The following NSUN5 variants were observed in gnomAD, a reference collection of about 807,000 sequenced individuals.
The protein encoded by NSUN5 is 28S rRNA (cytosine-C(5))-methyltransferase.
A neutral mutation model predicts 51.1 loss-of-function variants in NSUN5; 39 were observed. The ratio of observed to expected loss-of-function variants is 0.76; its 90% CI spans 0.59 to 1.00. The LOEUF is 1.00. Ranked by LOEUF, NSUN5 falls within the 50% of genes least tolerant of loss-of-function variation. The probability of loss-of-function intolerance (pLI) is 0.00; values close to 1 mark genes in which losing one functional copy is unlikely to be tolerated. For missense variants in NSUN5, 526 were observed against 614.0 expected (o/e 0.86, Z 1.51); for synonymous variants, 266 against 271.5 (o/e 0.98, Z 0.20).
At chr7:73,308,102 T>C (rs1804119720) in intron 2 of NSUN5, 2 of 453,896 alleles carry the variant, frequency 4.4e-6, no homozygotes, top group Non-Finnish European at 7.9e-6. Context: ...GGCCAGATCA[T>C]AGCTCACTGC....
At position 73,308,436 on chromosome 7, in the gene NSUN5, C is replaced by A. The variant is rs1586466047; in HGVS notation, c.211G>T (p.Ala71Ser). 6 of 1,600,920 alleles carry A rather than the reference C, an allele frequency of 3.7e-6. No individual in the cohort carries two copies. Among genetic ancestry groups the A allele is most frequent in the Non-Finnish European group, 4.3e-6 (5 of 1,172,032 alleles). The change falls in exon 2 of 10, where the codon GCC becomes TCC. Residue 71 changes from alanine to serine, a missense_variant. Transcript: ENST00000438747. ...RAEKKLRPHL[A>S]KVLVYELLLG... The stretch of plus-strand genomic sequence containing the variant: ...CGTCCCTCCCCTCCCCTCACCTTGG[C>A]CAGGTGCGGCCGCAGCTTCTTCTCC...
At position 73,308,756 on chromosome 7, in the gene NSUN5, G is replaced by C; in HGVS notation, c.35C>G (p.Ala12Gly). ...AGAGCCCTGGCGGCTCTCCACGCCGGCCAACACGCCTGCAGCTGCAGCATA... is the reference window on the plus strand; with the variant it reads ...AGAGCCCTGGCGGCTCTCCACGCCGCCCAACACGCCTGCAGCTGCAGCATA... ...GLYAAAAGVL[A>G]GVESRQGSIK... The change falls in exon 1 of 10, where the codon GCC becomes GGC. Residue 12 changes from alanine (A) to glycine (G), a missense_variant. Physicochemically the swap from Ala to Gly is moderately conservative, Grantham distance 60. Coordinates refer to ENST00000438747, the MANE Select transcript of NSUN5 (RefSeq NM_148956.4). 6.2e-7 allele frequency: 1 copy of C among 1,612,902 alleles called. No individual in the cohort carries two copies. The highest frequency in any genetic ancestry group is 8.5e-7 in the Non-Finnish European group (1 of 1,179,836).
chr7:73,304,027 C>T lies in NSUN5; in HGVS notation c.944G>A (p.Ser315Asn). 1 of 1,614,032 alleles carries T rather than the reference C, an allele frequency of 6.2e-7. No individual in the cohort carries two copies. The highest frequency in any genetic ancestry group is 8.5e-7 in the Non-Finnish European group (1 of 1,179,944). Residue 315 changes from serine to asparagine, a missense_variant, in exon 8 of 10, where the codon AGC becomes AAC. Coordinates refer to ENST00000438747, the MANE Select transcript of NSUN5 (RefSeq NM_148956.4). ...DPSCSGSGMP[S>N]RQLEEPGAGT... The stretch of plus-strand genomic sequence containing the variant: ...TGCCCCGGGCTCCTCCAGCTGTCTG[C>T]TCGGCATACCTAAGGAAAAGAGTGT...
Position 73,305,016 on chromosome 7 carries a change from C to T in NSUN5, c.582G>A (p.Gln194=). The T allele has an allele frequency of 6.2e-7, 1 of 1,611,660 alleles. No individual in the cohort carries two copies. ...ACAGTGGGTGTTCATGCAGATCTGT[C>T]TGGGCGGGAAACACCAGCAGCTCCG... ...LMPELLVFPA[Q]TDLHEHPLYR... Residue 194 remains glutamine, a synonymous_variant, in exon 5 of 10, where the codon CAG becomes CAA. Transcript: ENST00000438747.
Position 73,303,222 on chromosome 7 carries a change from T to A in NSUN5, c.*193A>T, listed in dbSNP as rs1168339723. ...TGACATTAAGAATAAAAAACTGTGA[T>A]CTATCGTAGAGTACGTTCTGCATTT... On this transcript the variant is annotated 3_prime_UTR_variant, in exon 10 of 10. Transcript: ENST00000438747. 26 of 1,524,002 alleles carry A rather than the reference T, an allele frequency of 1.7e-5. No homozygotes were observed. Among genetic ancestry groups the A allele is most frequent in the Non-Finnish European group, 2.3e-5 (26 of 1,137,208 alleles). The allele number at this position is 1,524,002 out of a possible 1,614,324, so 94.4% of individuals were successfully genotyped here.
chr7:73,308,091 T>C (rs1804119316), intron 2 of NSUN5: 3 of 451,990 alleles, frequency 6.6e-6, no homozygotes, highest in Non-Finnish European at 1.2e-5. Context: ...TGAAGTGCAG[T>C]GGCCAGATCA....
intron 1 of NSUN5, 31 bp from the exon 2 acceptor site, chr7:73,308,584 G>C (rs782109970): frequency 1.3e-6 from 2 of 1,590,324 alleles, no homozygotes; most frequent in Non-Finnish European, 8.6e-7. Flanking sequence ...AGCTGGGTGG[G>C]GGCTCCCCCG....
intron 8 of NSUN5, 39 bp downstream of exon 8, chr7:73,303,787 C>T (rs782359467): frequency 1.6e-5 from 26 of 1,613,622 alleles, no homozygotes; most frequent in Middle Eastern, 1.6e-4. Flanking sequence ...CAGCTCACCC[C>T]GTCCCCCACT....
rs772476128 is a variant in NSUN5, at chr7:73,308,353, G to A, written c.216+78C>T. 2.0e-6 allele frequency: 3 copies of A among 1,501,336 alleles called. No homozygotes were observed. The African/African-American group carries it at 4.2e-5, about 21-fold the overall frequency. The allele number at this position is 1,501,336 out of a possible 1,614,324, so 93.0% of individuals were successfully genotyped here. The stretch of plus-strand genomic sequence containing the variant: ...GAGCGACTTGCTCCAGTCCCGCCGT[G>A]CACGGCAGCAGAGCTGAGACCAGAT... On this transcript the variant is annotated intron_variant, in intron 2 of 9. Coordinates refer to ENST00000438747, the MANE Select transcript of NSUN5 (RefSeq NM_148956.4).
chr7:73,304,765 G>C lies in NSUN5; in HGVS notation c.737C>G (p.Ala246Gly). 1.2e-6 allele frequency: 2 copies of C among 1,612,300 alleles called. No homozygotes were observed. The highest frequency in any genetic ancestry group is 1.1e-5 in the South Asian group (1 of 91,044). The change falls in exon 6 of 10, where the codon GCT becomes GGT. Residue 246 changes from alanine to glycine, a missense_variant. Coordinates refer to ENST00000438747, the MANE Select transcript of NSUN5 (RefSeq NM_148956.4). Reference sequence around the variant, plus strand: ...CACTCACCCTTGGTTCTTCAGAAGAGCAGCCAAGTGACTGGTCTTATTGCC... The same window carrying C: ...CACTCACCCTTGGTTCTTCAGAAGACCAGCCAAGTGACTGGTCTTATTGCC... ...APGNKTSHLA[A>G]LLKNQGKIFA...
intron 2 of NSUN5, 38 bp downstream of exon 2, chr7:73,308,393 C>A (rs782804150): frequency 1.9e-6 from 3 of 1,558,734 alleles, no homozygotes; most frequent in African/African-American, 2.7e-5. Flanking sequence ...AAGCGCTGAC[C>A]GTCGGGGTTC....
rs200073546 is a variant in NSUN5 at position 73,308,791 on chromosome 7, G to A, written c.-1C>T. 317 of 1,612,788 alleles carry A rather than the reference G, an allele frequency of 2.0e-4. No homozygotes were observed. Among genetic ancestry groups the A allele is most frequent in the Non-Finnish European group, 5.5e-5 (65 of 1,179,506 alleles). ...CTGCAGCTGCAGCATACAGCCCCAT[G>A]TTCCCGCGCGCCTTTACGGCTCTGT... On this transcript the variant is annotated 5_prime_UTR_variant, in exon 1 of 10. Transcript: ENST00000438747.
chr7:73,305,243 G>C, intron 4 of NSUN5, 146 bp from the exon 5 acceptor site: 1 of 1,140,700 alleles, frequency 8.8e-7, no homozygotes, highest in Non-Finnish European at 1.2e-6. Context: ...CCGCAGTTGA[G>C]GGAATGGGTT....
chr7:73,303,364 A>C lies in NSUN5; in HGVS notation c.*51T>G. 1.2e-6 allele frequency: 2 copies of C among 1,613,954 alleles called. No homozygotes were observed. Among genetic ancestry groups the C allele is most frequent in the Non-Finnish European group, 1.7e-6 (2 of 1,179,876 alleles). On this transcript the variant is annotated 3_prime_UTR_variant, in exon 10 of 10. Transcript: ENST00000438747. ...TGAGGGCCCAGGGTCCTCCACGGAG[A>C]GGACAGGCATCTTCCTTTCCCACCA...
chr7:73,304,379 T>C lies in NSUN5; in HGVS notation c.785A>G (p.Lys262Arg). The change falls in exon 7 of 10, where the codon AAG becomes AGG. Residue 262 changes from lysine (K) to arginine (R), a missense_variant. Coordinates refer to ENST00000438747, the MANE Select transcript of NSUN5 (RefSeq NM_148956.4). ...GKIFAFDLDAKRLASMATLLA... is the reference protein window; with the variant it reads ...GKIFAFDLDARRLASMATLLA... ...CAGCGTGGCCATGGATGCCAGCCGCTTGGCATCCAGGTCAAAGGCAAAGAT... is the reference window on the plus strand; with the variant it reads ...CAGCGTGGCCATGGATGCCAGCCGCCTGGCATCCAGGTCAAAGGCAAAGAT... 6.2e-7 allele frequency: 1 copy of C among 1,613,438 alleles called. No homozygotes were observed. The highest frequency in any genetic ancestry group is 8.5e-7 in the Non-Finnish European group (1 of 1,179,660).
chr7:73,304,517 C>G, intron 6 of NSUN5, 109 bp from the exon 7 acceptor site: 1 of 1,129,966 alleles, frequency 8.8e-7, no homozygotes, highest in African/African-American at 1.6e-5. Context: ...AAACGGCCTA[C>G]GTTTAAAGGG....
chr7:73,307,281 TG>T, intron 4 of NSUN5, 112 bp downstream of exon 4: 1 of 757,604 alleles, frequency 1.3e-6, no homozygotes, highest in Non-Finnish European at 2.2e-6. Context: ...GATAAACTGC[TG>T]GAAAGGTAGG....
chr7:73,308,101 A>T, intron 2 of NSUN5: 1 of 456,962 alleles, frequency 2.2e-6, no homozygotes, highest in Non-Finnish European at 3.9e-6. Context: ...TGGCCAGATC[A>T]TAGCTCACTG....
In NSUN5 at chr7:73,303,334, T is replaced by C. The variant is rs1803876086; in HGVS notation, c.*81A>G. ...ACCTTTCAAAACCCAAACTGCTTCC[T>C]GCGGTGAGGGCCCAGGGTCCTCCAC... On this transcript the variant is annotated 3_prime_UTR_variant, in exon 10 of 10. Coordinates refer to ENST00000438747, the MANE Select transcript of NSUN5 (RefSeq NM_148956.4). 6.2e-7 allele frequency: 1 copy of C among 1,613,880 alleles called. No homozygotes were observed. The highest frequency in any genetic ancestry group is 1.7e-5 in the Admixed American group (1 of 60,002).
Sources: allele counts gnomAD v4.1 joint callset, GRCh38; gene constraint gnomAD v4.1.1; transcripts MANE v1.5; gene names NCBI Gene and HGNC (gene_info 2026-07-23, HGNC 2026-07-21).